The following ADAM29 variants were observed in gnomAD, a reference collection of about 807,000 sequenced individuals.
ADAM29 encodes the protein ADAM metallopeptidase domain 29, also known as disintegrin and metalloproteinase domain-containing protein 29.
For synonymous variants in ADAM29, 367 were observed against 342.3 expected (o/e 1.07, Z -0.80); for missense variants, 969 against 1,001.8 (o/e 0.97, Z 0.44).
chr4:174,975,852 C>G lies in ADAM29; in HGVS notation c.327C>G (p.Asp109Glu). The change falls in exon 5 of 5, where the codon GAC becomes GAG. Residue 109 changes from aspartate (D) to glutamate (E), a missense_variant. Transcript: ENST00000359240. ...NCYYHGYVEGDPESLVSLSTC... is the reference protein window; with the variant it reads ...NCYYHGYVEGEPESLVSLSTC... ...ACTATCATGGTTATGTGGAAGGGGA[C>G]CCAGAATCCCTGGTTTCCCTCAGTA... is the stretch of plus-strand genomic sequence containing the variant. The G allele has an allele frequency of 6.2e-7, 1 of 1,613,938 alleles. No homozygotes were observed. The highest frequency in any genetic ancestry group is 8.5e-7 in the Non-Finnish European group (1 of 1,179,950).
chr4:174,942,344 G>A (rs1043833947), intron 4 of ADAM29, among the ~76,000 whole-genome samples: 8 of 152,326 alleles, frequency 5.3e-5, no homozygotes, highest in Non-Finnish European at 1.0e-4. Context: ...TGCCTTAATA[G>A]AGGTTCTCCA....
chr4:174,937,908 G>A (rs1157070545), intron 4 of ADAM29, among the ~76,000 whole-genome samples: 1 of 152,036 alleles, frequency 6.6e-6, no homozygotes, highest in East Asian at 1.9e-4. Context: ...AGAAGCAAGT[G>A]ATACAGGTTA....
intron 3 of ADAM29, among the ~76,000 whole-genome samples, chr4:174,931,575 T>C (rs1376284604): frequency 6.6e-6 from 1 of 152,198 alleles, no homozygotes; most frequent in Non-Finnish European, 1.5e-5. Flanking sequence ...ATATATATTG[T>C]TGATAGAAAC....
intron 4 of ADAM29, among the ~76,000 whole-genome samples, chr4:174,962,307 C>G (rs1179132485): frequency 2.6e-5 from 4 of 151,956 alleles, no homozygotes; most frequent in Non-Finnish European, 4.4e-5. Context: ...GTCAGGAAAT[C>G]AAGACCATCC....
intron 4 of ADAM29, among the ~76,000 whole-genome samples, chr4:174,967,475 G>T (rs1746220296): frequency 6.6e-6 from 1 of 152,052 alleles, no homozygotes; most frequent in Non-Finnish European, 1.5e-5. Context: ...TCACAAAGTG[G>T]CTCTCATATA....
At chr4:174,928,118 C>G (rs998690395) in intron 2 of ADAM29, among the ~76,000 whole-genome samples, 2 of 152,184 alleles carry the variant, frequency 1.3e-5, no homozygotes, top group African/African-American at 4.8e-5. Context: ...TAAGGGTATA[C>G]AAAAACCTTC....
At chr4:174,949,502 A>T (rs933838341) in intron 4 of ADAM29, among the ~76,000 whole-genome samples, 4 of 151,980 alleles carry the variant, frequency 2.6e-5, no homozygotes, top group Admixed American at 6.6e-5. Flanking sequence ...TGTGTGAATT[A>T]CCCCTTCGCC....
At chr4:174,966,951 A>G (rs1178026388) in intron 4 of ADAM29, among the ~76,000 whole-genome samples, 2 of 152,194 alleles carry the variant, frequency 1.3e-5, no homozygotes, top group East Asian at 3.9e-4. Flanking sequence ...GCCTGCTCAT[A>G]TAATCCTGTG....
At position 174,967,151 on chromosome 4, in the gene ADAM29, T is replaced by G. The variant is rs185586960; in HGVS notation, c.-180-8195T>G. Among the ~76,000 whole-genome samples, 17 of 152,322 alleles carry G rather than the reference T, an allele frequency of 1.1e-4. No homozygotes were observed. In the East Asian group the frequency reaches 3.1e-3, roughly 28 times the overall value. On this transcript the variant is annotated intron_variant, in intron 4 of 4. Coordinates refer to ENST00000359240, the MANE Select transcript of ADAM29 (RefSeq NM_014269.4). ...GAACTTCTAACATTTTTGAGTTTGT[T>G]TTAAATCAGAAGCCCACCTCTGAAG...
intron 3 of ADAM29, among the ~76,000 whole-genome samples, chr4:174,935,954 A>G (rs1560866205): frequency 6.6e-6 from 1 of 152,098 alleles, no homozygotes; most frequent in Non-Finnish European, 1.5e-5. Context: ...TGCCTCAGAT[A>G]TTAACTAAAT....
At chr4:174,959,457 C>CTG (rs34184384) in intron 4 of ADAM29, among the ~76,000 whole-genome samples, 24,654 of 145,544 alleles carry the variant, frequency 0.17, 2,199 homozygotes, top group East Asian at 0.28. Flanking sequence ...ATGAGAAAGA[C>CTG]TGTGTGTGTG....
At chr4:174,970,437 T>C (rs1190089933) in intron 4 of ADAM29, among the ~76,000 whole-genome samples, 1 of 152,106 alleles carries the variant, frequency 6.6e-6, no homozygotes, top group Non-Finnish European at 1.5e-5. Context: ...TTTGACCTGC[T>C]ACCTCAAACC....
At chr4:174,959,690 TTC>T (rs1745701792) in intron 4 of ADAM29, among the ~76,000 whole-genome samples, 2 of 151,980 alleles carry the variant, frequency 1.3e-5, no homozygotes, top group Admixed American at 1.3e-4. Context: ...ATCTTTTTTC[TTC>T]TCTTTGTACT....
chr4:174,956,494 C>G (rs202073942), intron 4 of ADAM29, among the ~76,000 whole-genome samples: 105 of 149,054 alleles, frequency 7.0e-4, no homozygotes, highest in African/African-American at 2.3e-3. Context: ...GTGTGTGTGT[C>G]TGTGTGTGTG....
intron 2 of ADAM29, among the ~76,000 whole-genome samples, chr4:174,925,439 C>T (rs1743462491): frequency 6.6e-6 from 1 of 151,996 alleles, no homozygotes; most frequent in African/African-American, 2.4e-5. Context: ...AATGTCATGA[C>T]CATCTGCCTC....
At chr4:174,947,004 C>T (rs1449794364) in intron 4 of ADAM29, among the ~76,000 whole-genome samples, 1 of 152,052 alleles carries the variant, frequency 6.6e-6, no homozygotes, top group Non-Finnish European at 1.5e-5. Context: ...TTATCCATTT[C>T]TTCTAGGTTT....
Position 174,967,905 on chromosome 4 carries a change from G to A in ADAM29, c.-180-7441G>A, listed in dbSNP as rs990915157. Among the ~76,000 whole-genome samples the A allele has an allele frequency of 1.5e-4, 23 of 152,118 alleles. 1 individual carries two copies. Among genetic ancestry groups the A allele is most frequent in the Admixed American group, 2.6e-4 (4 of 15,262 alleles). ...GACACCCACTACTTGGAATGTCTTCGTTTCATGGCCTTTTCTTCTGATTTA... is the reference window on the plus strand; with the variant it reads ...GACACCCACTACTTGGAATGTCTTCATTTCATGGCCTTTTCTTCTGATTTA... On this transcript the variant is annotated intron_variant, in intron 4 of 4. Transcript: ENST00000359240.
At chr4:174,919,436 A>G (rs1743047947) in intron 1 of ADAM29, among the ~76,000 whole-genome samples, 1 of 152,136 alleles carries the variant, frequency 6.6e-6, no homozygotes, top group Admixed American at 6.6e-5. Context: ...TTATCACACC[A>G]CAGTTTCTGT....
chr4:174,934,032 C>T (rs1490124629), intron 3 of ADAM29, among the ~76,000 whole-genome samples: 5 of 152,096 alleles, frequency 3.3e-5, no homozygotes, highest in African/African-American at 7.2e-5. Context: ...CTGTTTTTAG[C>T]TCTTTGAGGA....
Sources: allele counts gnomAD v4.1 joint callset (sites outside exome capture counted in the v4.1 genomes callset), GRCh38; gene constraint gnomAD v4.1.1; transcripts MANE v1.5; gene names NCBI Gene and HGNC (gene_info 2026-07-23, HGNC 2026-07-21).